Variants in PCDH15 observed in about 807,000 individuals in gnomAD.
PCDH15 encodes protocadherin related 15.
Under a neutral mutation model 178.5 loss-of-function variants are expected in PCDH15, and 129 were observed. The ratio of observed to expected loss-of-function variants is 0.72; its 90% CI spans 0.63 to 0.84. The LOEUF (loss-of-function observed/expected upper bound fraction) is 0.84. Among genes scored for constraint, PCDH15 ranks in the 40% least tolerant of loss-of-function variants. PCDH15 has a pLI of 0.00. For synonymous variants in PCDH15, 800 were observed against 732.0 expected, an observed-to-expected ratio of 1.09 and a Z score of -1.50; for missense variants, 2,230 against 2,099.9, an observed-to-expected ratio of 1.06 and a Z score of -1.21.
chr10:54,859,827 T>A (rs1296874607), intron 3 of PCDH15, among the ~76,000 whole-genome samples: 1 of 151,820 alleles, frequency 6.6e-6, no homozygotes, highest in Non-Finnish European at 1.5e-5. Context: ...ATCTGTAATA[T>A]AAAGTCGTAG....
intron 3 of PCDH15, among the ~76,000 whole-genome samples, chr10:54,403,392 C>T (rs554100701): frequency 3.9e-5 from 6 of 152,018 alleles, no homozygotes; most frequent in Non-Finnish European, 7.4e-5. Flanking sequence ...AAATTCAACA[C>T]ACATTCATGT....
chr10:53,816,615 T>A (rs2076068775), intron 34 of PCDH15, among the ~76,000 whole-genome samples: 1 of 152,214 alleles, frequency 6.6e-6, no homozygotes, highest in African/African-American at 2.4e-5. Flanking sequence ...GTACTGTGTG[T>A]CATATAATTA....
chr10:54,259,005 G>T (rs538240353), intron 8 of PCDH15, among the ~76,000 whole-genome samples: 1 of 151,792 alleles, frequency 6.6e-6, no homozygotes, highest in Non-Finnish European at 1.5e-5. Context: ...TATTCACTTC[G>T]AATCTTATAA....
chr10:54,557,159 C>T (rs1460873341), intron 2 of PCDH15, among the ~76,000 whole-genome samples: 1 of 152,074 alleles, frequency 6.6e-6, no homozygotes, highest in Non-Finnish European at 1.5e-5. Flanking sequence ...GATGTTTCTG[C>T]ATTATATTCT....
At chr10:55,364,156 C>T (rs1845297260) in intron 2 of PCDH15, among the ~76,000 whole-genome samples, 1 of 151,998 alleles carries the variant, frequency 6.6e-6, no homozygotes, top group Non-Finnish European at 1.5e-5. Flanking sequence ...GAAGAAAGGG[C>T]CTTGCTTCCC....
At chr10:55,202,178 G>A (rs1840270052) in intron 1 of PCDH15, among the ~76,000 whole-genome samples, 1 of 152,130 alleles carries the variant, frequency 6.6e-6, no homozygotes, top group South Asian at 2.1e-4. Context: ...TGATTACCAG[G>A]GGCTGCTGTG....
At chr10:55,585,099 T>G (rs1304343489) in intron 2 of PCDH15, among the ~76,000 whole-genome samples, 2 of 151,822 alleles carry the variant, frequency 1.3e-5, no homozygotes, top group African/African-American at 4.8e-5. Context: ...ATGGAATTAT[T>G]GTAGCCTTTT....
chr10:54,607,713 T>G (rs886942913), intron 2 of PCDH15, among the ~76,000 whole-genome samples: 2 of 151,698 alleles, frequency 1.3e-5, no homozygotes, highest in Non-Finnish European at 2.9e-5. Context: ...ATTATCTTAA[T>G]ATATTTATTA....
At chr10:55,293,858 C>G (rs890437102) in intron 1 of PCDH15, among the ~76,000 whole-genome samples, 7 of 152,154 alleles carry the variant, frequency 4.6e-5, no homozygotes, top group African/African-American at 1.7e-4. Flanking sequence ...TTCTTCTGAG[C>G]CCTCCAAGCT....
intron 13 of PCDH15, among the ~76,000 whole-genome samples, chr10:54,165,040 T>G (rs1215075957): frequency 6.6e-6 from 1 of 152,204 alleles, no homozygotes; most frequent in Non-Finnish European, 1.5e-5. Context: ...ATGGGTTTGC[T>G]TTTATGTTTG....
At chr10:54,890,581 T>A (rs1172343831) in intron 3 of PCDH15, among the ~76,000 whole-genome samples, 2 of 151,980 alleles carry the variant, frequency 1.3e-5, no homozygotes, top group African/African-American at 2.4e-5. Context: ...CTGCCCAGCT[T>A]ATTTCTTTTA....
chr10:55,454,994 A>G (rs1839519597), intron 2 of PCDH15, among the ~76,000 whole-genome samples: 1 of 152,066 alleles, frequency 6.6e-6, no homozygotes, highest in Admixed American at 6.6e-5. Context: ...ATATGCATAC[A>G]TATCTTCATC....
chr10:54,944,123 G>A (rs17597232), intron 2 of PCDH15, among the ~76,000 whole-genome samples: 37,276 of 151,788 alleles, frequency 0.25, 5,402 homozygotes, highest in Non-Finnish European at 0.33. Context: ...AGCAAAGTGG[G>A]TGGCTGACAA....
chr10:54,351,720 C>T (rs1395281855), intron 5 of PCDH15, among the ~76,000 whole-genome samples: 1 of 152,106 alleles, frequency 6.6e-6, no homozygotes, highest in African/African-American at 2.4e-5. Context: ...ACAGGATGGC[C>T]AGAGCTTCTG....
intron 2 of PCDH15, among the ~76,000 whole-genome samples, chr10:55,587,744 C>G (rs1842754163): frequency 6.6e-6 from 1 of 152,126 alleles, no homozygotes; most frequent in Admixed American, 6.6e-5. Flanking sequence ...GCTTTCTTGA[C>G]AGTTGAAATT....
At chr10:54,926,676 C>T (rs1564635334) in intron 2 of PCDH15, among the ~76,000 whole-genome samples, 1 of 151,906 alleles carries the variant, frequency 6.6e-6, no homozygotes. Flanking sequence ...CTGGTTCAGT[C>T]TTGCGAGGGT....
At chr10:54,535,447 A>T (rs1278598056) in intron 2 of PCDH15, among the ~76,000 whole-genome samples, 1 of 152,144 alleles carries the variant, frequency 6.6e-6, no homozygotes, top group Non-Finnish European at 1.5e-5. Flanking sequence ...GCGGTGGCTC[A>T]CGCCTGTAAT....
chr10:53,808,876 G>C (rs752239388), intron 37 of PCDH15: 1 of 1,602,724 alleles, frequency 6.2e-7, no homozygotes, highest in Non-Finnish European at 8.5e-7. Context: ...CACCGAAGCT[G>C]ATTCTGCACT....
intron 3 of PCDH15, among the ~76,000 whole-genome samples, chr10:54,833,687 C>A (rs139897568): frequency 6.6e-6 from 1 of 152,152 alleles, no homozygotes; most frequent in Non-Finnish European, 1.5e-5. Flanking sequence ...TCTTGCTCTC[C>A]CCTGTTAGTC....
Sources: gnomAD v4.1 joint callset for allele counts (sites outside exome capture counted in the v4.1 genomes callset) on GRCh38, gnomAD v4.1.1 for gene constraint, MANE v1.5 for transcripts, NCBI Gene and HGNC (gene_info 2026-07-23, HGNC 2026-07-21) for gene names.